Variants in SFPQ observed in about 807,000 individuals in gnomAD.
SFPQ encodes splicing factor proline and glutamine rich.
A neutral mutation model predicts 72.9 loss-of-function variants in SFPQ; 11 were observed. That is an observed-to-expected ratio of 0.15 (90% confidence interval 0.09 to 0.25). The LOEUF is 0.25. Among genes scored for constraint, SFPQ ranks in the 10% least tolerant of loss-of-function variants. The pLI is 1.00. For missense variants in SFPQ, 847 were observed against 993.3 expected (o/e 0.85, Z 1.98); for synonymous variants, 506 against 367.3 (o/e 1.38, Z -4.32).
At chr1:35,182,220 C>CCTTA, downstream of SFPQ, 10 of 985,360 alleles carry the variant, frequency 1.0e-5, no homozygotes, top group Non-Finnish European at 1.2e-5. Flanking sequence ...ATGGAACACC[C>CCTTA]CTTATTTTCT....
intron 2 of SFPQ, 91 bp downstream of exon 2, chr1:35,191,250 C>G: frequency 9.3e-7 from 1 of 1,077,864 alleles, no homozygotes; most frequent in Non-Finnish European, 1.4e-6. Flanking sequence ...TTTATCCTCC[C>G]CAGTTTAAAA....
downstream of SFPQ, chr1:35,180,588 A>T: frequency 9.5e-7 from 1 of 1,049,548 alleles, no homozygotes; most frequent in Non-Finnish European, 1.2e-6. Context: ...CAAGTTAGTA[A>T]CAATGGTGTT....
intron 1 of SFPQ, among the ~76,000 whole-genome samples, chr1:35,191,953 G>C (rs1640021997): frequency 6.6e-6 from 1 of 152,188 alleles, no homozygotes; most frequent in Non-Finnish European, 1.5e-5. Context: ...CCAGGGACAG[G>C]ATACCTTCTG....
At position 35,192,819 on chromosome 1, in the gene SFPQ, T is replaced by C. The variant is rs773688397; in HGVS notation, c.231A>G (p.Pro77=). The C allele has an allele frequency of 6.5e-5, 98 of 1,504,260 alleles. No homozygotes were observed. Among genetic ancestry groups the C allele is most frequent in the Non-Finnish European group, 8.2e-5 (93 of 1,133,592 alleles). The allele number at this position is 1,504,260 out of a possible 1,614,324, so 93.2% of individuals were successfully genotyped here. Reference sequence around the variant, plus strand: ...GATGCGGTGGCGGCTGCTGCGGCGGTGGCTGCTGCGGTGGTGGCTGTTGCT... The same window carrying C: ...GATGCGGTGGCGGCTGCTGCGGCGGCGGCTGCTGCGGTGGTGGCTGTTGCT... ...QQQQQPPPQQ[P]PPQQPPPHQP... is the part of the protein sequence containing the mutation. The change falls in exon 1 of 10, where the codon CCA becomes CCG. Residue 77 remains proline (P), a synonymous_variant. Coordinates refer to ENST00000357214, the MANE Select transcript of SFPQ (RefSeq NM_005066.3).
chr1:35,180,187 G>A, downstream of SFPQ: 2 of 1,051,096 alleles, frequency 1.9e-6, no homozygotes, highest in Non-Finnish European at 2.3e-6. Flanking sequence ...CAGTTACAGA[G>A]CAGAAACATT....
chr1:35,187,148 A>G (rs1639759109), intron 8 of SFPQ, 26 bp from the exon 9 acceptor site: 1 of 1,613,704 alleles, frequency 6.2e-7, no homozygotes. Context: ...AGTGGTTACA[A>G]CTCCACCAGG....
At chr1:35,191,192 A>G in intron 2 of SFPQ, 149 bp downstream of exon 2, 1 of 826,248 alleles carries the variant, frequency 1.2e-6, no homozygotes, top group Non-Finnish European at 1.9e-6. Context: ...TATGCATTAT[A>G]CCGCAAGCAT....
chr1:35,182,885 C>G, downstream of SFPQ: 1 of 1,045,756 alleles, frequency 9.6e-7, no homozygotes, highest in Non-Finnish European at 1.2e-6. Flanking sequence ...GTCTCTTGTT[C>G]TAATGGAAGG....
At chr1:35,181,667 GA>G, downstream of SFPQ, 1 of 1,060,484 alleles carries the variant, frequency 9.4e-7, no homozygotes, top group Non-Finnish European at 1.1e-6. Context: ...AAAATTATGA[GA>G]AAGTGGAGAA....
At chr1:35,189,633 G>A (rs1409449873) in intron 4 of SFPQ, among the ~76,000 whole-genome samples, 1 of 152,044 alleles carries the variant, frequency 6.6e-6, no homozygotes, top group Non-Finnish European at 1.5e-5. Flanking sequence ...TCCTTACCGA[G>A]GCTTATTTTT....
downstream of SFPQ, chr1:35,181,535 C>T (rs1259205405): frequency 6.6e-6 from 7 of 1,062,598 alleles, no homozygotes; most frequent in African/African-American, 9.9e-5. Flanking sequence ...ATTATGGTTT[C>T]ACTAACATGA....
chr1:35,179,425 G>A (rs891478051), downstream of SFPQ: 6 of 1,056,302 alleles, frequency 5.7e-6, no homozygotes, highest in East Asian at 5.3e-5. Context: ...CTAACAGTAC[G>A]AAAATACATT....
Position 35,192,902 on chromosome 1 carries a change from C to G in SFPQ, c.148G>C (p.Gly50Arg), listed in dbSNP as rs746334851. The G allele has an allele frequency of 6.3e-7, 1 of 1,577,832 alleles. No individual in the cohort carries two copies. The highest frequency in any genetic ancestry group is 8.5e-7 in the Non-Finnish European group (1 of 1,170,210). The change falls in exon 1 of 10, where the codon GGC becomes CGC. Residue 50 changes from glycine (G) to arginine (R), a missense_variant. Gly to Arg is a moderately radical substitution (Grantham distance 125). Coordinates refer to ENST00000357214, the MANE Select transcript of SFPQ (RefSeq NM_005066.3). ...LNQNRGPMGP[G>R]PGQSGPKPPI... ...GGCTTAGGGCCGCTCTGGCCCGGGC[C>G]AGGACCCATGGGGCCGCGATTCTGA...
chr1:35,186,219 A>G (rs747264674), intron 9 of SFPQ, among the ~76,000 whole-genome samples: 6 of 152,190 alleles, frequency 3.9e-5, no homozygotes, highest in South Asian at 2.1e-4. Context: ...CAACTCAGCT[A>G]TAAAAATGCA....
downstream of SFPQ, chr1:35,180,039 T>C (rs1570107081): frequency 9.5e-7 from 1 of 1,054,660 alleles, no homozygotes; most frequent in Non-Finnish European, 1.1e-6. Flanking sequence ...TTTGCTTGAA[T>C]GGACTACATG....
downstream of SFPQ, chr1:35,180,853 T>A (rs1489623665): frequency 5.1e-6 from 5 of 985,346 alleles, no homozygotes; most frequent in Non-Finnish European, 6.0e-6. Flanking sequence ...TGTTCCATGT[T>A]ATCTTCAGTT....
At chr1:35,178,152 T>C, downstream of SFPQ, 1 of 1,090,208 alleles carries the variant, frequency 9.2e-7, no homozygotes, top group Non-Finnish European at 1.1e-6. Context: ...AGATTGGGGG[T>C]AAGTTACAGC....
At chr1:35,180,426 C>T, downstream of SFPQ, 2 of 1,047,498 alleles carry the variant, frequency 1.9e-6, no homozygotes, top group Non-Finnish European at 2.3e-6. Flanking sequence ...CCTACAGAAA[C>T]GACGATGTCT....
chr1:35,192,244 T>TCGCTGCGGC lies in SFPQ; in HGVS notation c.797_805dup (p.Gly266_Ser268dup). On this transcript the variant is annotated inframe_insertion, in exon 1 of 10. Coordinates refer to ENST00000357214, the MANE Select transcript of SFPQ (RefSeq NM_005066.3). ...CACCTCCGAGTCCGAGATCTTCTCCTCGCTGCGGCCGCCGGGCCCGCCGGG... is the reference window on the plus strand; with the variant it reads ...CACCTCCGAGTCCGAGATCTTCTCCTCGCTGCGGCCGCTGCGGCCGCCGGGCCCGCCGGG... 6.8e-7 allele frequency: 1 copy of TCGCTGCGGC among 1,462,742 alleles called. No individual in the cohort carries two copies. The highest frequency in any genetic ancestry group is 9.0e-7 in the Non-Finnish European group (1 of 1,114,780). 90.6% of individuals were successfully genotyped at this position (1,462,742 alleles called of 1,614,324 possible).
Sources: allele counts gnomAD v4.1 joint callset (sites outside exome capture counted in the v4.1 genomes callset), GRCh38; gene constraint gnomAD v4.1.1; transcripts MANE v1.5; gene names NCBI Gene and HGNC (gene_info 2026-07-23, HGNC 2026-07-21).